STARD13: variants seen among roughly 807,000 people sequenced by gnomAD.
STARD13 encodes stAR-related lipid transfer protein 13.
In STARD13, 62 loss-of-function variants were observed where a neutral mutation model predicts 106.4. The ratio of observed to expected loss-of-function variants is 0.58; its 90% confidence interval spans 0.48 to 0.72. The LOEUF (loss-of-function observed/expected upper bound fraction) is 0.72, where lower values mean the gene tolerates loss of function less well. Among genes scored for constraint, STARD13 ranks in the 30% least tolerant of loss-of-function variants. The probability of loss-of-function intolerance (pLI) is 0.00; values close to 1 mark genes in which losing one functional copy is unlikely to be tolerated. For synonymous variants in STARD13, 565 were observed against 553.0 expected (o/e 1.02, Z -0.31); for missense variants, 1,387 against 1,424.0 (o/e 0.97, Z 0.42).
chr13:33,195,329 A>T (rs1017930097), intron 1 of STARD13, among the ~76,000 whole-genome samples: 3 of 152,322 alleles, frequency 2.0e-5, no homozygotes, highest in Admixed American at 1.3e-4. Flanking sequence ...TCTCTCTGTA[A>T]CTCAACCAAC....
the STARD13 span, among the ~76,000 whole-genome samples, chr13:33,549,280 T>C: frequency 2.0e-5 from 3 of 152,052 alleles, no homozygotes; most frequent in Non-Finnish European, 2.9e-5. Context: ...ATTTATTTTT[T>C]GTGTAATTGA....
chr13:33,666,051 G>A, the STARD13 span, among the ~76,000 whole-genome samples: 10 of 152,228 alleles, frequency 6.6e-5, no homozygotes, highest in South Asian at 2.1e-3. Flanking sequence ...CATGAGACTA[G>A]GCCATGTGGT....
chr13:33,126,376 G>T, intron 6 of STARD13, 136 bp from the exon 7 acceptor site: 1 of 842,508 alleles, frequency 1.2e-6, no homozygotes, highest in Non-Finnish European at 1.9e-6. Context: ...CATTCTCTCT[G>T]CATTAATCAC....
At chr13:33,199,320 T>TTATA (rs1342210297) in intron 1 of STARD13, among the ~76,000 whole-genome samples, 1 of 152,262 alleles carries the variant, frequency 6.6e-6, no homozygotes, top group East Asian at 1.9e-4. Flanking sequence ...AGACATTATA[T>TTATA]GTCTCCTTTT....
chr13:33,531,730 T>C, the STARD13 span, among the ~76,000 whole-genome samples: 11 of 152,312 alleles, frequency 7.2e-5, no homozygotes, highest in African/African-American at 2.6e-4. Flanking sequence ...CATGAGTTCA[T>C]ATCCAATACT....
At chr13:33,384,772 T>C in the STARD13 span, among the ~76,000 whole-genome samples, 1 of 152,042 alleles carries the variant, frequency 6.6e-6, no homozygotes, top group Non-Finnish European at 1.5e-5. Context: ...TCCTTAATCC[T>C]TACTCCACCC....
the STARD13 span, among the ~76,000 whole-genome samples, chr13:33,661,890 T>C: frequency 6.8e-6 from 1 of 146,966 alleles, no homozygotes; most frequent in East Asian, 2.0e-4. Flanking sequence ...GAATCAGGAA[T>C]ATGATCTCCT....
the STARD13 span, among the ~76,000 whole-genome samples, chr13:33,601,967 A>G: frequency 4.0e-5 from 6 of 151,822 alleles, no homozygotes; most frequent in African/African-American, 1.5e-4. Flanking sequence ...ATGGAAAAAC[A>G]TTTTTTTCTA....
At chr13:33,396,023 A>T in the STARD13 span, among the ~76,000 whole-genome samples, 4 of 150,958 alleles carry the variant, frequency 2.6e-5, no homozygotes, top group African/African-American at 2.4e-5. Flanking sequence ...TTATTTTTAA[A>T]TTTTTTTTGG....
chr13:33,129,500 A>C lies in STARD13; in HGVS notation c.1177T>G (p.Leu393Val). 1 of 1,614,142 alleles carries C rather than the reference A, an allele frequency of 6.2e-7. No individual in the cohort carries two copies. The highest frequency in any genetic ancestry group is 8.5e-7 in the Non-Finnish European group (1 of 1,180,024). The stretch of plus-strand genomic sequence containing the variant: ...TGATCCTTGGGAATATGCACCACCA[A>C]ATTCTCTTGGGAGTGAAATTCATGC... ...RMHEFHSQEN[L>V]VVHIPKDHKP... Residue 393 changes from leucine to valine, a missense_variant, in exon 5 of 14, where the codon TTG (leucine) becomes GTG (valine). Transcript: ENST00000336934.
At chr13:33,412,877 T>C in the STARD13 span, among the ~76,000 whole-genome samples, 1 of 152,140 alleles carries the variant, frequency 6.6e-6, no homozygotes, top group Non-Finnish European at 1.5e-5. Flanking sequence ...GTTAAACACT[T>C]TCTCAACAAC....
Position 33,140,765 on chromosome 13 carries a change from TC to T in STARD13, c.387+1544del, listed in dbSNP as rs199499197. Among the ~76,000 whole-genome samples, 248 of 148,332 alleles carry T rather than the reference TC, an allele frequency of 1.7e-3. 13 individuals are homozygous for T. Among genetic ancestry groups the T allele is most frequent in the African/African-American group, 3.8e-3 (149 of 39,308 alleles). ...CAGGATAAAAACACTTTCTTTTCTT[TC>T]TTTTTTTTTTTTTTGAGGCGGAGTC... On this transcript the variant is annotated intron_variant, in intron 4 of 13. Transcript: ENST00000336934.
the STARD13 span, among the ~76,000 whole-genome samples, chr13:33,389,223 G>T: frequency 6.6e-6 from 1 of 152,092 alleles, no homozygotes; most frequent in Non-Finnish European, 1.5e-5. Flanking sequence ...CTCCCAAAGT[G>T]CTGGGATTAC....
At chr13:33,606,234 G>A in the STARD13 span, among the ~76,000 whole-genome samples, 1 of 152,122 alleles carries the variant, frequency 6.6e-6, no homozygotes, top group Non-Finnish European at 1.5e-5. Context: ...TCCGGAGGTG[G>A]AGGTTGCAGT....
chr13:33,308,520 C>CTTTCTTTT (rs1893003354), intron 1 of STARD13, among the ~76,000 whole-genome samples: 15 of 88,550 alleles, frequency 1.7e-4, no homozygotes, highest in Non-Finnish European at 2.5e-4. Flanking sequence ...CTTTTTCTTT[C>CTTTCTTTT]TTTTTTTTTT....
At chr13:33,297,493 T>C (rs7334489) in intron 1 of STARD13, among the ~76,000 whole-genome samples, 146,382 of 152,188 alleles carry the variant, frequency 0.96, 70,659 homozygotes, top group East Asian at 1. Flanking sequence ...TATGGCTTGC[T>C]TTGGAAAATC....
At chr13:33,225,363 T>C (rs1888569445) in intron 1 of STARD13, among the ~76,000 whole-genome samples, 1 of 152,228 alleles carries the variant, frequency 6.6e-6, no homozygotes, top group Non-Finnish European at 1.5e-5. Context: ...AACAAGTCAG[T>C]CACCACTTCT....
the STARD13 span, among the ~76,000 whole-genome samples, chr13:33,506,850 A>C: frequency 1.3e-5 from 2 of 152,162 alleles, no homozygotes; most frequent in East Asian, 3.9e-4. Flanking sequence ...GGTGGCTCTC[A>C]CCTGTAATTC....
the STARD13 span, among the ~76,000 whole-genome samples, chr13:33,396,301 G>A: frequency 3.9e-5 from 6 of 152,200 alleles, 1 homozygote; most frequent in Admixed American, 2.0e-4. Context: ...CAACCAAGAT[G>A]TGCTTCTCCT....
Sources: allele counts gnomAD v4.1 joint callset (sites outside exome capture counted in the v4.1 genomes callset), GRCh38; gene constraint gnomAD v4.1.1; transcripts MANE v1.5; gene names NCBI Gene and HGNC (gene_info 2026-07-23, HGNC 2026-07-21).